The following DSG3 variants were observed in gnomAD, a reference collection of about 807,000 sequenced individuals.
DSG3 encodes the protein desmoglein 3, also known as desmoglein-3.
Under a neutral mutation model 85.9 loss-of-function variants are expected in DSG3, and 63 were observed. The observed-to-expected ratio is 0.73, with a 90% CI of 0.60 to 0.90. The LOEUF (loss-of-function observed/expected upper bound fraction) is 0.90, where lower values mean the gene tolerates loss of function less well. Among genes scored for constraint, DSG3 ranks in the 40% least tolerant of loss-of-function variants. DSG3 has a pLI of 0.00. For missense variants in DSG3, 1,220 were observed against 1,219.9 expected (o/e 1.00, Z 0.00); for synonymous variants, 447 against 441.9 (o/e 1.01, Z -0.14).
At position 31,464,311 on chromosome 18, in the gene DSG3, A is replaced by AT; in HGVS notation, c.1202dup (p.Leu401PhefsTer14). On this transcript the variant is annotated frameshift_variant, in exon 9 of 16. Coordinates refer to ENST00000257189, the MANE Select transcript of DSG3 (RefSeq NM_001944.3). LOFTEE classifies it high-confidence loss of function. ...TGCAAAAAGGCATAAGTAGCAAAAA[A>AT]TTGGTGGATTATATCCTGGGAACAT... The AT allele has an allele frequency of 6.2e-7, 1 of 1,614,182 alleles. No homozygotes were observed. Among genetic ancestry groups the AT allele is most frequent in the Non-Finnish European group, 8.5e-7 (1 of 1,180,012 alleles).
chr18:31,458,899 G>T, intron 4 of DSG3, 134 bp from the exon 5 acceptor site: 1 of 1,188,082 alleles, frequency 8.4e-7, no homozygotes, highest in Middle Eastern at 2.6e-4. Flanking sequence ...TTTCCACTTT[G>T]TCTACCCTTT....
rs1461064472 is a variant in DSG3, at chr18:31,459,059, A to G, written c.399A>G (p.Gln133=). Residue 133 remains glutamine (Q), a synonymous_variant, in exon 5 of 16, where the codon CAA becomes CAG. Transcript: ENST00000257189. ...FLITCRALNA[Q]GLDVEKPLIL... Reference sequence around the variant, plus strand: ...TCACATGTCGGGCTCTAAATGCCCAAGGACTAGATGTAGAGAAACCACTTA... The same window carrying G: ...TCACATGTCGGGCTCTAAATGCCCAGGGACTAGATGTAGAGAAACCACTTA... 3 of 1,613,586 alleles carry G rather than the reference A, an allele frequency of 1.9e-6. No individual in the cohort carries two copies. The highest frequency in any genetic ancestry group is 3.3e-5 in the Admixed American group (2 of 59,880).
chr18:31,472,024 G>A (rs2072858453), intron 12 of DSG3, among the ~76,000 whole-genome samples: 1 of 152,066 alleles, frequency 6.6e-6, no homozygotes, highest in South Asian at 2.1e-4. Context: ...ATACATCAGT[G>A]CCTATTTTAA....
chr18:31,457,592 CTTTCTTTCT>C (rs1568086511), intron 3 of DSG3, among the ~76,000 whole-genome samples: 21 of 48,194 alleles, frequency 4.4e-4, no homozygotes, highest in African/African-American at 9.3e-4. Context: ...TTTCTTCTTT[CTTTCTTTCT>C]TTCTTTCTTT....
intron 1 of DSG3, among the ~76,000 whole-genome samples, chr18:31,454,607 C>A (rs2072730355): frequency 6.6e-6 from 1 of 151,772 alleles, no homozygotes; most frequent in South Asian, 2.1e-4. Context: ...TCAAGAGCAA[C>A]CATAGTCTTT....
rs1598783156 is a variant in DSG3, at chr18:31,466,475, T to C, written c.1412-55T>C. 5.9e-6 allele frequency: 9 copies of C among 1,514,698 alleles called. No individual in the cohort carries two copies. The East Asian group carries it at 2.0e-4, about 34-fold the overall frequency. 93.8% of individuals were successfully genotyped at this position (1,514,698 alleles called of 1,614,324 possible). A position where few individuals can be genotyped will look rare whatever the true frequency, so the allele number is the denominator to read the frequency against. ...AAGAGAAATGTAAAAGATTCTCCTT[T>C]TTTGTACAACTTTGTTCTATACATT... On this transcript the variant is annotated intron_variant, in intron 10 of 15. Coordinates refer to ENST00000257189, the MANE Select transcript of DSG3 (RefSeq NM_001944.3).
chr18:31,459,269 C>A, intron 5 of DSG3, 92 bp downstream of exon 5: 1 of 1,212,928 alleles, frequency 8.2e-7, no homozygotes. Flanking sequence ...CTAATTTATG[C>A]TCTTAGTTTA....
chr18:31,466,036 A>G (rs930031611), intron 10 of DSG3, among the ~76,000 whole-genome samples: 24 of 152,344 alleles, frequency 1.6e-4, no homozygotes, highest in African/African-American at 5.3e-4. Flanking sequence ...GAAATGACAC[A>G]TAATGCCCCC....
At chr18:31,457,561 CT>C (rs751447577) in intron 3 of DSG3, among the ~76,000 whole-genome samples, 1 of 103,064 alleles carries the variant, frequency 9.7e-6, no homozygotes, top group Non-Finnish European at 1.8e-5. Context: ...TTCTTTCTTT[CT>C]TTCTTTCTTT....
intron 15 of DSG3, among the ~76,000 whole-genome samples, chr18:31,475,101 G>A (rs113008370): frequency 2.0e-5 from 3 of 152,272 alleles, no homozygotes; most frequent in African/African-American, 7.2e-5. Context: ...GACATGTCAG[G>A]AAGCATAGAA....
intron 2 of DSG3, 134 bp from the exon 3 acceptor site, chr18:31,456,859 A>G: frequency 1.3e-6 from 1 of 775,424 alleles, no homozygotes; most frequent in Non-Finnish European, 2.0e-6. Context: ...AGTATCAGGT[A>G]GAGCTAATTA....
In DSG3 at chr18:31,469,262, C is replaced by T. The variant is rs747272200; in HGVS notation, c.1810C>T (p.Pro604Ser). The T allele has an allele frequency of 3.7e-6, 6 of 1,614,054 alleles. No homozygotes were observed. Among genetic ancestry groups the T allele is most frequent in the Non-Finnish European group, 4.2e-6 (5 of 1,180,038 alleles). The change falls in exon 12 of 16, where the codon CCT becomes TCT. Residue 604 changes from proline to serine, a missense_variant. Coordinates refer to ENST00000257189, the MANE Select transcript of DSG3 (RefSeq NM_001944.3). ...ICGTSYPTTS[P>S]GTRYGRPHSG... ...TGGAACTTCTTACCCAACCACAAGC[C>T]CTGGGACCAGGTATGGCAGGCCGCA...
rs532272408 is a variant in DSG3 at position 31,462,909 on chromosome 18, G to T, written c.1000-1202G>T. Among the ~76,000 whole-genome samples, 73 of 152,236 alleles carry T rather than the reference G, an allele frequency of 4.8e-4. 1 individual carries two copies. The highest frequency in any genetic ancestry group is 1.7e-3 in the African/African-American group (72 of 41,544). On this transcript the variant is annotated intron_variant, in intron 8 of 15. Coordinates refer to ENST00000257189, the MANE Select transcript of DSG3 (RefSeq NM_001944.3). ...CCATCCCTGGCTCTACACTGGCTAT[G>T]AAGCTGGCCTTCAACCCTAATTACC...
intron 9 of DSG3, among the ~76,000 whole-genome samples, chr18:31,464,935 G>A (rs1044460575): frequency 7.2e-5 from 11 of 151,784 alleles, no homozygotes; most frequent in African/African-American, 2.2e-4. Flanking sequence ...TTGGGAGTTC[G>A]AGACCAGCCT....
chr18:31,472,387 T>A lies in DSG3; in HGVS notation c.2001T>A (p.His667Gln), dbSNP rs566503292. 6.2e-7 allele frequency: 1 copy of A among 1,614,074 alleles called. No individual in the cohort carries two copies. Among genetic ancestry groups the A allele is most frequent in the South Asian group, 1.1e-5 (1 of 91,058 alleles). Residue 667 changes from histidine (H) to glutamine (Q), a missense_variant, in exon 13 of 16, where the codon CAT becomes CAA. By Grantham distance (24) the His-to-Gln change is conservative. Transcript: ENST00000257189. ...PVPDGSEGTI[H>Q]QWGIEGAHPE... ...CTGATGGCTCAGAAGGAACAATTCA[T>A]CAGTGGGGAATTGAAGGAGCCCATC...
intron 1 of DSG3, among the ~76,000 whole-genome samples, chr18:31,456,003 G>T (rs1335157852): frequency 6.6e-6 from 1 of 152,196 alleles, no homozygotes; most frequent in Non-Finnish European, 1.5e-5. Context: ...CTACAAATCA[G>T]TTGGGTGGCT....
intron 1 of DSG3, among the ~76,000 whole-genome samples, chr18:31,453,906 T>C (rs562919280): frequency 1.3e-5 from 2 of 152,242 alleles, no homozygotes; most frequent in South Asian, 2.1e-4. Context: ...GATAAATATA[T>C]ACAATTTTGT....
At chr18:31,464,469 C>G in intron 9 of DSG3, 87 bp downstream of exon 9, 1 of 1,343,528 alleles carries the variant, frequency 7.4e-7, no homozygotes, top group East Asian at 2.4e-5. Flanking sequence ...TATTATGTGC[C>G]AAGAATAGAG....
At position 31,466,641 on chromosome 18, in the gene DSG3, C is replaced by A; in HGVS notation, c.1523C>A (p.Ser508Tyr). 1 of 1,614,224 alleles carries A rather than the reference C, an allele frequency of 6.2e-7. No homozygotes were observed. The highest frequency in any genetic ancestry group is 8.5e-7 in the Non-Finnish European group (1 of 1,180,042). Residue 508 changes from serine (S) to tyrosine (Y), a missense_variant, in exon 11 of 16, where the codon TCC becomes TAC. By Grantham distance (144) the Ser-to-Tyr change is moderately radical. Coordinates refer to ENST00000257189, the MANE Select transcript of DSG3 (RefSeq NM_001944.3). Reference protein sequence around the residue: ...EKDAVCSSSPSVVVSARTLNN... With the variant: ...EKDAVCSSSPYVVVSARTLNN... ...GATGCAGTTTGCAGTTCTTCACCTT[C>A]CGTGGTTGTCTCCGCTAGAACACTG... is the stretch of plus-strand genomic sequence containing the variant.
Sources: gnomAD v4.1 joint callset for allele counts (sites outside exome capture counted in the v4.1 genomes callset) on GRCh38, gnomAD v4.1.1 for gene constraint, MANE v1.5 for transcripts, NCBI Gene and HGNC (gene_info 2026-07-23, HGNC 2026-07-21) for gene names.